TPP2: variants seen among roughly 807,000 people sequenced by gnomAD.
The protein encoded by TPP2 is tripeptidyl-peptidase 2.
Under a neutral mutation model 155.9 loss-of-function variants are expected in TPP2, and 34 were observed. The ratio of observed to expected loss-of-function variants is 0.22; its 90% confidence interval spans 0.17 to 0.29. TPP2 has a LOEUF of 0.29. Among genes scored for constraint, TPP2 ranks in the 10% least tolerant of loss-of-function variants. TPP2 has a pLI of 1.00. For synonymous variants in TPP2, 510 were observed against 529.4 expected, an observed-to-expected ratio of 0.96 and a Z score of 0.50; for missense variants, 1,028 against 1,522.3, an observed-to-expected ratio of 0.68 and a Z score of 5.40.
At chr13:102,638,928 G>C (rs925956814) in intron 15 of TPP2, among the ~76,000 whole-genome samples, 2 of 152,236 alleles carry the variant, frequency 1.3e-5, no homozygotes, top group South Asian at 4.1e-4. Flanking sequence ...CTGTCATTCC[G>C]TACACCAAAT....
chr13:102,668,563 G>A (rs1884757971), intron 27 of TPP2, among the ~76,000 whole-genome samples: 1 of 152,178 alleles, frequency 6.6e-6, no homozygotes, highest in Non-Finnish European at 1.5e-5. Context: ...TCCAATGTGT[G>A]CTGTTACTAA....
intron 5 of TPP2, among the ~76,000 whole-genome samples, chr13:102,619,645 T>C (rs1881010328): frequency 6.6e-6 from 1 of 152,226 alleles, no homozygotes; most frequent in Non-Finnish European, 1.5e-5. Flanking sequence ...CGTGTGCAGG[T>C]ACTAACTCAT....
chr13:102,612,667 A>G (rs1390477514), intron 2 of TPP2, among the ~76,000 whole-genome samples: 2 of 152,156 alleles, frequency 1.3e-5, no homozygotes, highest in African/African-American at 2.4e-5. Flanking sequence ...AATTTTTGTA[A>G]CTAGTCTGCC....
intron 1 of TPP2, 66 bp from the exon 2 acceptor site, chr13:102,604,726 GA>G (rs1879691607): frequency 6.6e-7 from 1 of 1,517,924 alleles, no homozygotes; most frequent in East Asian, 2.3e-5. Context: ...TATATATGTG[GA>G]TTTGCATTGT....
At chr13:102,624,890 G>C (rs1290322780) in intron 6 of TPP2, among the ~76,000 whole-genome samples, 4 of 110,436 alleles carry the variant, frequency 3.6e-5, no homozygotes, top group East Asian at 2.7e-4. Flanking sequence ...ACAGAGTCTC[G>C]CTCTGTCGCC....
chr13:102,643,422 T>C (rs769241129), intron 17 of TPP2, 46 bp downstream of exon 17: 6 of 1,522,570 alleles, frequency 3.9e-6, no homozygotes, highest in Non-Finnish European at 4.4e-6. Flanking sequence ...TTATTTGCCT[T>C]TTTGGTATGG....
At chr13:102,605,546 CA>C (rs1879756737) in intron 2 of TPP2, among the ~76,000 whole-genome samples, 2 of 152,074 alleles carry the variant, frequency 1.3e-5, no homozygotes, top group African/African-American at 4.8e-5. Context: ...GTGAGCTTGC[CA>C]AATTTTATGT....
rs1448535749 is a variant in TPP2, at chr13:102,664,860, A to G, written c.3306A>G (p.Gln1102=). 2 of 1,613,840 alleles carry G rather than the reference A, an allele frequency of 1.2e-6. No individual in the cohort carries two copies. Among genetic ancestry groups the G allele is most frequent in the Admixed American group, 1.7e-5 (1 of 60,016 alleles). Residue 1102 remains glutamine (Q), a synonymous_variant, in exon 27 of 30, where the codon CAA becomes CAG. Transcript: ENST00000376052. ...ATGCTGTTATTTCTCATATAGATCAAACAGCCCTAGCAGTTTATATTGCAA... is the reference window on the plus strand; with the variant it reads ...ATGCTGTTATTTCTCATATAGATCAGACAGCCCTAGCAGTTTATATTGCAA... ...AANAVISHID[Q]TALAVYIAMK... is the part of the protein sequence containing the mutation.
chr13:102,668,402 G>T (rs1595217837), intron 27 of TPP2, among the ~76,000 whole-genome samples: 1 of 152,180 alleles, frequency 6.6e-6, no homozygotes, highest in African/African-American at 2.4e-5. Flanking sequence ...GTACAGATGT[G>T]TGCAGCAACT....
intron 12 of TPP2, 74 bp from the exon 13 acceptor site, chr13:102,636,150 T>C: frequency 7.0e-7 from 1 of 1,420,972 alleles, no homozygotes; most frequent in Admixed American, 2.4e-5. Context: ...TGAAATCAAA[T>C]TGATTGGTAA....
chr13:102,648,429 CGTGTGTGTGTGTGTGTGTGT>C (rs56934655), intron 21 of TPP2, among the ~76,000 whole-genome samples: 1 of 147,968 alleles, frequency 6.8e-6, no homozygotes, highest in African/African-American at 2.5e-5. Context: ...ATAAGTTACA[CGTGTGTGTGTGTGTGTGTGT>C]GTGTGTGTGT....
chr13:102,636,115 A>G, intron 12 of TPP2, 109 bp from the exon 13 acceptor site: 2 of 1,119,404 alleles, frequency 1.8e-6, no homozygotes, highest in South Asian at 1.6e-5. Context: ...AGGTGAATAT[A>G]GACACTAACT....
rs188041540 is a variant in TPP2, at chr13:102,631,744, T to C, written c.1244+1549T>C. Among the ~76,000 whole-genome samples, 5 of 152,352 alleles carry C rather than the reference T, an allele frequency of 3.3e-5. No homozygotes were observed. In the East Asian group the frequency reaches 9.6e-4, roughly 29 times the overall value. ...GTTCTAAGAATTGAATTTGTTTCAT[T>C]TTTCATAAACATGAAATAATATTAG... On this transcript the variant is annotated intron_variant, in intron 10 of 29. Coordinates refer to ENST00000376052, the MANE Select transcript of TPP2 (RefSeq NM_001330588.2).
intron 29 of TPP2, among the ~76,000 whole-genome samples, chr13:102,677,011 T>A (rs1179659968): frequency 6.6e-6 from 1 of 152,226 alleles, no homozygotes; most frequent in African/African-American, 2.4e-5. Context: ...TGGTGCCAGA[T>A]TCAGCTAAAG....
chr13:102,637,625 G>A (rs611604), intron 14 of TPP2, among the ~76,000 whole-genome samples: 75,361 of 151,918 alleles, frequency 0.5, 19,102 homozygotes, highest in African/African-American at 0.6. Context: ...ATCGTGGTTC[G>A]CTGCAGCCTT....
Position 102,646,310 on chromosome 13 carries a change from A to G in TPP2, c.2410A>G (p.Thr804Ala), listed in dbSNP as rs2139537588. 1.2e-6 allele frequency: 2 copies of G among 1,612,652 alleles called. No homozygotes were observed. The highest frequency in any genetic ancestry group is 1.7e-4 in the Middle Eastern group (1 of 6,028). Residue 804 changes from threonine to alanine, a missense_variant, in exon 20 of 30, where the codon ACA (threonine) becomes GCA (alanine). Transcript: ENST00000376052. The part of the protein sequence containing the change: ...VQTLRPVSAK[T>A]KPLGSRDVLP... ...TCATTACAGCCCAGTGAGTGCAAAA[A>G]CAAAACCTTTAGGATCAAGAGATGT...
chr13:102,674,153 G>C, intron 27 of TPP2, 130 bp from the exon 28 acceptor site: 4 of 920,086 alleles, frequency 4.3e-6, no homozygotes, highest in Non-Finnish European at 6.4e-6. Context: ...ACAATTGTAC[G>C]TACCTGGATA....
chr13:102,610,727 A>G (rs1393540215), intron 2 of TPP2, among the ~76,000 whole-genome samples: 1 of 152,232 alleles, frequency 6.6e-6, no homozygotes, highest in Non-Finnish European at 1.5e-5. Context: ...CTTATGACCT[A>G]TGGTACTCCC....
At chr13:102,657,808 G>C (rs613097) in intron 25 of TPP2, among the ~76,000 whole-genome samples, 7 of 151,428 alleles carry the variant, frequency 4.6e-5, no homozygotes, top group Admixed American at 1.3e-4. Flanking sequence ...TCGTCTCGCT[G>C]TGTTTTGCCA....
Sources: allele counts gnomAD v4.1 joint callset (sites outside exome capture counted in the v4.1 genomes callset), GRCh38; gene constraint gnomAD v4.1.1; transcripts MANE v1.5; gene names NCBI Gene and HGNC (gene_info 2026-07-23, HGNC 2026-07-21).